Variants in FOXP1 observed in about 807,000 individuals in gnomAD.
FOXP1 encodes forkhead box protein P1.
A neutral mutation model predicts 98.2 loss-of-function variants in FOXP1; 15 were observed. The ratio of observed to expected loss-of-function variants is 0.15; its 90% CI spans 0.10 to 0.24. FOXP1 has a LOEUF of 0.24. FOXP1 is among the 10% of genes least tolerant of loss of function. The probability of loss-of-function intolerance (pLI) is 1.00; values close to 1 mark genes in which losing one functional copy is unlikely to be tolerated. For synonymous variants in FOXP1, 371 were observed against 314.5 expected, an observed-to-expected ratio of 1.18 and a Z score of -1.90; for missense variants, 633 against 848.5, an observed-to-expected ratio of 0.75 and a Z score of 3.15.
At chr3:71,449,127 G>T (rs191475863) in intron 3 of FOXP1, among the ~76,000 whole-genome samples, 25 of 152,228 alleles carry the variant, frequency 1.6e-4, no homozygotes, top group African/African-American at 5.8e-4. Context: ...TTAAATTTTG[G>T]TAATAAAAAC....
intron 3 of FOXP1, among the ~76,000 whole-genome samples, chr3:71,418,596 TAGGGGA>T (rs1473614845): frequency 2.0e-5 from 3 of 152,164 alleles, no homozygotes; most frequent in Non-Finnish European, 4.4e-5. Flanking sequence ...AAAGAGCTAA[TAGGGGA>T]AGAAATTAGT....
At chr3:71,233,902 T>C (rs1430990564) in intron 5 of FOXP1, among the ~76,000 whole-genome samples, 1 of 152,200 alleles carries the variant, frequency 6.6e-6, no homozygotes, top group African/African-American at 2.4e-5. Context: ...CATCATTACA[T>C]GACAGAGAAA....
In FOXP1 at chr3:70,955,819, C is replaced by A. The variant is rs1386692150; in HGVS notation, c.*3428G>T. 4.4e-6 allele frequency: 1 copy of A among 225,682 alleles called. No homozygotes were observed. The highest frequency in any genetic ancestry group is 6.1e-5 in the East Asian group (1 of 16,286). 14.0% of individuals were successfully genotyped at this position (225,682 alleles called of 1,614,324 possible). On this transcript the variant is annotated 3_prime_UTR_variant, in exon 21 of 21. Transcript: ENST00000649528. The stretch of plus-strand genomic sequence containing the variant: ...GAATGTATCAAAAAACAGATTAACA[C>A]ACACGCACGCGCGCACACACACACA...
chr3:71,139,452 T>G (rs1281701944), intron 6 of FOXP1, among the ~76,000 whole-genome samples: 1 of 151,826 alleles, frequency 6.6e-6, no homozygotes, highest in African/African-American at 2.4e-5. Context: ...TTGCTATTAG[T>G]GTTTAACCTG....
intron 5 of FOXP1, among the ~76,000 whole-genome samples, chr3:71,293,706 T>C (rs555375233): frequency 3.3e-5 from 5 of 152,292 alleles, no homozygotes; most frequent in East Asian, 3.9e-4. Flanking sequence ...GAAACTAACA[T>C]TCAAGAGAGA....
Position 71,555,820 on chromosome 3 carries a change from G to A in FOXP1, c.-298+25729C>T, listed in dbSNP as rs73096807. Reference sequence around the variant, plus strand: ...TATTATTTAATAATTCTAGAACTGCGATTTTTTAATAATCAAATCAAACTC... The same window carrying A: ...TATTATTTAATAATTCTAGAACTGCAATTTTTTAATAATCAAATCAAACTC... On this transcript the variant is annotated intron_variant, in intron 2 of 20. Transcript: ENST00000649528. Among the ~76,000 whole-genome samples, 515 of 152,042 alleles carry A rather than the reference G, an allele frequency of 3.4e-3. 1 individual carries two copies. Among genetic ancestry groups the A allele is most frequent in the Non-Finnish European group, 5.8e-3 (395 of 68,002 alleles).
chr3:71,526,884 T>A (rs1204430548), intron 2 of FOXP1, among the ~76,000 whole-genome samples: 1 of 151,494 alleles, frequency 6.6e-6, no homozygotes, highest in Non-Finnish European at 1.5e-5. Flanking sequence ...GGAGAATTGC[T>A]TAAACCTGGG....
chr3:71,348,231 T>C (rs771262691), intron 4 of FOXP1, among the ~76,000 whole-genome samples: 5 of 151,842 alleles, frequency 3.3e-5, no homozygotes, highest in African/African-American at 4.9e-5. Context: ...GAAACTACTG[T>C]ATTTTCTCTC....
At chr3:71,437,808 C>T (rs899906464) in intron 3 of FOXP1, among the ~76,000 whole-genome samples, 2 of 152,026 alleles carry the variant, frequency 1.3e-5, no homozygotes, top group African/African-American at 4.8e-5. Flanking sequence ...GAGACCCAAA[C>T]CAAAAAAATG....
intron 5 of FOXP1, among the ~76,000 whole-genome samples, chr3:71,295,538 T>C (rs1310843244): frequency 6.6e-6 from 1 of 151,202 alleles, no homozygotes; most frequent in Non-Finnish European, 1.5e-5. Context: ...GATTGTTTTT[T>C]AGTTTTCTCT....
At chr3:71,046,905 T>G in intron 10 of FOXP1, 37 bp downstream of exon 10, 1 of 1,613,246 alleles carries the variant, frequency 6.2e-7, no homozygotes, top group Non-Finnish European at 8.5e-7. Flanking sequence ...ACCCAAAGTC[T>G]TCACAGAGCT....
intron 7 of FOXP1, among the ~76,000 whole-genome samples, chr3:71,111,755 C>A (rs2057947907): frequency 6.6e-6 from 1 of 152,194 alleles, no homozygotes; most frequent in Non-Finnish European, 1.5e-5. Context: ...CCCTTGCCTT[C>A]AATGTGCCTG....
intron 3 of FOXP1, among the ~76,000 whole-genome samples, chr3:71,410,332 T>G (rs957801833): frequency 1.2e-4 from 19 of 152,260 alleles, no homozygotes; most frequent in African/African-American, 4.1e-4. Context: ...ACAATTTTTT[T>G]TAAGTTAAAA....
chr3:71,427,244 T>C (rs1191994868), intron 3 of FOXP1, among the ~76,000 whole-genome samples: 1 of 152,060 alleles, frequency 6.6e-6, no homozygotes, highest in Non-Finnish European at 1.5e-5. Context: ...GGCACAAATA[T>C]AGTACTCAAT....
intron 2 of FOXP1, chr3:71,541,945 C>T (rs1303160214): frequency 3.8e-6 from 2 of 527,994 alleles, no homozygotes; most frequent in Admixed American, 4.0e-5. Context: ...ACTCCTTTGC[C>T]ACATGGCATC....
intron 7 of FOXP1, among the ~76,000 whole-genome samples, chr3:71,093,394 T>G (rs1053669943): frequency 6.7e-6 from 1 of 150,002 alleles, no homozygotes; most frequent in African/African-American, 2.4e-5. Context: ...ACTGGCCACA[T>G]ATGGCTATTT....
intron 7 of FOXP1, among the ~76,000 whole-genome samples, chr3:71,096,283 G>A (rs141504235): frequency 3.2e-4 from 48 of 152,244 alleles, no homozygotes; most frequent in African/African-American, 1.1e-3. Context: ...TTCAAACATG[G>A]GTGGGCATAA....
Position 70,957,880 on chromosome 3 carries a change from C to G in FOXP1, c.*1367G>C, listed in dbSNP as rs115317886. The G allele has an allele frequency of 4.3e-6, 1 of 234,196 alleles. No individual in the cohort carries two copies. The highest frequency in any genetic ancestry group is 5.6e-5 in the Admixed American group (1 of 17,874). 14.5% of individuals were successfully genotyped at this position (234,196 alleles called of 1,614,324 possible). A position where few individuals can be genotyped will look rare whatever the true frequency, so the allele number is the denominator to read the frequency against. ...TCCCTTAACAAGTTCAATCTGAAAT[C>G]GAATTTGCATTCAAACAGTTTAATG... On this transcript the variant is annotated 3_prime_UTR_variant, in exon 21 of 21. Coordinates refer to ENST00000649528, the MANE Select transcript of FOXP1 (RefSeq NM_001349338.3).
chr3:71,130,972 T>A, intron 6 of FOXP1: 2 of 1,165,194 alleles, frequency 1.7e-6, no homozygotes, highest in Non-Finnish European at 2.1e-6. Context: ...CGCAGACAAA[T>A]ACACACCAAC....
Sources: gnomAD v4.1 joint callset for allele counts (sites outside exome capture counted in the v4.1 genomes callset) on GRCh38, gnomAD v4.1.1 for gene constraint, MANE v1.5 for transcripts, NCBI Gene and HGNC (gene_info 2026-07-23, HGNC 2026-07-21) for gene names.